Variants in NPAS3 observed in about 807,000 individuals in gnomAD.
NPAS3 encodes neuronal PAS domain protein 3.
In NPAS3, 14 loss-of-function variants were observed where a neutral mutation model predicts 73.1. That is an observed-to-expected ratio of 0.19 (90% CI 0.13 to 0.30). The LOEUF is 0.30. Among genes scored for constraint, NPAS3 ranks in the 10% least tolerant of loss-of-function variants. The pLI is 1.00. For synonymous variants in NPAS3, 620 were observed against 541.5 expected (o/e 1.14, Z -2.01); for missense variants, 1,096 against 1,250.0 (o/e 0.88, Z 1.86).
At chr14:33,184,997 G>A (rs900908469) in intron 2 of NPAS3, among the ~76,000 whole-genome samples, 4 of 152,042 alleles carry the variant, frequency 2.6e-5, no homozygotes, top group African/African-American at 4.8e-5. Context: ...TATCCAGTTG[G>A]CTTTAAGAAC....
At chr14:33,361,220 G>C (rs1008245544) in intron 3 of NPAS3, among the ~76,000 whole-genome samples, 1 of 152,152 alleles carries the variant, frequency 6.6e-6, no homozygotes, top group Non-Finnish European at 1.5e-5. Flanking sequence ...CGTACTAAGA[G>C]GTCCCTGTAA....
intron 5 of NPAS3, among the ~76,000 whole-genome samples, chr14:33,649,698 G>C (rs2058936425): frequency 6.6e-6 from 1 of 152,122 alleles, no homozygotes; most frequent in African/African-American, 2.4e-5. Context: ...AGGAAGAAAG[G>C]CCAAAAAGGA....
At position 32,999,992 on chromosome 14, in the gene NPAS3, A is replaced by AT. The variant is rs541608026; in HGVS notation, c.51-55911dup. ...TGCCACATAGTATGATAATGCTACA[A>AT]TTGACATTTATACAAAATGACCTAG... On this transcript the variant is annotated intron_variant, in intron 1 of 11. Coordinates refer to ENST00000356141, the Ensembl canonical transcript of NPAS3. Among the ~76,000 whole-genome samples, 26 of 152,284 alleles carry AT rather than the reference A, an allele frequency of 1.7e-4. No homozygotes were observed. The South Asian group carries it at 4.6e-3, about 27-fold the overall frequency.
chr14:33,483,339 C>T (rs1470311446), intron 4 of NPAS3, among the ~76,000 whole-genome samples: 4 of 152,110 alleles, frequency 2.6e-5, no homozygotes, highest in African/African-American at 9.7e-5. Flanking sequence ...CTTGTCTCCA[C>T]CCGTGGGTTT....
At chr14:33,777,795 C>T (rs982210810) in intron 8 of NPAS3, among the ~76,000 whole-genome samples, 4 of 152,190 alleles carry the variant, frequency 2.6e-5, no homozygotes, top group Admixed American at 2.6e-4. Context: ...CTTTTACACA[C>T]ACGTACTGTC....
rs569261269 is a variant in NPAS3, at chr14:32,953,577, A to G, written c.50+14211A>G. 2.4e-4 allele frequency among the ~76,000 whole-genome samples: 36 copies of G among 152,256 alleles called. No individual in the cohort carries two copies. In the South Asian group the frequency reaches 7.3e-3, roughly 31 times the overall value. ...GGGGGTCTGTTTTCCCTAAAGATCT[A>G]TGTCAAGAATTGTGAAGGATCTTAG... On this transcript the variant is annotated intron_variant, in intron 1 of 11. Coordinates refer to ENST00000356141, the Ensembl canonical transcript of NPAS3.
At chr14:33,085,770 A>G (rs1412507835) in intron 2 of NPAS3, among the ~76,000 whole-genome samples, 2 of 152,186 alleles carry the variant, frequency 1.3e-5, no homozygotes, top group African/African-American at 4.8e-5. Flanking sequence ...GTGAAAAGAC[A>G]TTTTGAACTG....
At chr14:33,154,316 A>T (rs1189535022) in intron 2 of NPAS3, among the ~76,000 whole-genome samples, 6 of 152,214 alleles carry the variant, frequency 3.9e-5, no homozygotes, top group Non-Finnish European at 7.3e-5. Context: ...TTCTGACTAT[A>T]CCTTCCCTTA....
At chr14:33,735,425 G>T in intron 7 of NPAS3, 93 bp downstream of exon 7, 1 of 860,148 alleles carries the variant, frequency 1.2e-6, no homozygotes, top group Non-Finnish European at 2.0e-6. Context: ...TCCATATAAT[G>T]AATACATGTG....
chr14:33,106,670 A>G (rs1223249794), intron 2 of NPAS3, among the ~76,000 whole-genome samples: 5 of 152,182 alleles, frequency 3.3e-5, no homozygotes. Flanking sequence ...ACAATAATCT[A>G]TAATTTTAAA....
intron 5 of NPAS3, among the ~76,000 whole-genome samples, chr14:33,670,859 T>TCACTAAG (rs1320329266): frequency 2.2e-4 from 33 of 152,002 alleles, no homozygotes; most frequent in African/African-American, 7.5e-4. Context: ...GGGGCCTGGA[T>TCACTAAG]GCAGAAGGAC....
At chr14:33,546,757 G>A (rs1417044199) in intron 4 of NPAS3, among the ~76,000 whole-genome samples, 1 of 152,172 alleles carries the variant, frequency 6.6e-6, no homozygotes, top group Non-Finnish European at 1.5e-5. Flanking sequence ...TACGTTACTT[G>A]CACCTTGCTG....
intron 2 of NPAS3, among the ~76,000 whole-genome samples, chr14:33,056,891 G>A (rs545207721): frequency 7.2e-5 from 11 of 152,262 alleles, no homozygotes; most frequent in Non-Finnish European, 1.6e-4. Flanking sequence ...GATATACTTT[G>A]CAAATATACT....
intron 4 of NPAS3, among the ~76,000 whole-genome samples, chr14:33,384,377 A>C (rs911496253): frequency 6.9e-6 from 1 of 144,410 alleles, no homozygotes; most frequent in Non-Finnish European, 1.6e-5. Flanking sequence ...TATTATTTTA[A>C]TGTTTCTGTG....
intron 4 of NPAS3, among the ~76,000 whole-genome samples, chr14:33,419,266 A>G (rs1483722448): frequency 6.6e-6 from 1 of 151,954 alleles, no homozygotes; most frequent in Non-Finnish European, 1.5e-5. Flanking sequence ...AGCTAACATT[A>G]GAGAAGAGAC....
chr14:33,051,550 G>A (rs1046225127), intron 1 of NPAS3, among the ~76,000 whole-genome samples: 6 of 152,124 alleles, frequency 3.9e-5, no homozygotes, highest in African/African-American at 1.4e-4. Context: ...TGTTTTGTGT[G>A]ATTGATGCAG....
intron 3 of NPAS3, among the ~76,000 whole-genome samples, chr14:33,243,183 C>T (rs1400386634): frequency 6.6e-6 from 1 of 151,910 alleles, no homozygotes; most frequent in African/African-American, 2.4e-5. Flanking sequence ...ATTTTATGTA[C>T]CATTGTGACC....
chr14:33,485,839 A>AT (rs138446827), intron 4 of NPAS3, among the ~76,000 whole-genome samples: 33 of 148,878 alleles, frequency 2.2e-4, no homozygotes, highest in Admixed American at 2.7e-4. Flanking sequence ...TTGAATTTGC[A>AT]TTTTTTTTTT....
intron 1 of NPAS3, among the ~76,000 whole-genome samples, chr14:32,994,630 G>GTTTTTTTTTTTTTTTTTTTTTT (rs777136450): frequency 1.6e-5 from 2 of 123,600 alleles, no homozygotes; most frequent in African/African-American, 3.6e-5. Context: ...TTGTTTGTTT[G>GTTTTTTTTTTTTTTTTTTTTTT]TTTTTGTTTT....
Sources: gnomAD v4.1 joint callset for allele counts (sites outside exome capture counted in the v4.1 genomes callset) on GRCh38, gnomAD v4.1.1 for gene constraint, MANE v1.5 for transcripts, NCBI Gene and HGNC (gene_info 2026-07-23, HGNC 2026-07-21) for gene names.